ADGRG1: variants seen among roughly 807,000 people sequenced by gnomAD.
The protein encoded by ADGRG1 is 7-transmembrane protein with no EGF-like N-terminal domains-1.
Under a neutral mutation model 73.5 loss-of-function variants are expected in ADGRG1, and 53 were observed. That is an observed-to-expected ratio of 0.72 (90% CI 0.58 to 0.91). ADGRG1 has a LOEUF of 0.91. ADGRG1 is among the 40% of genes least tolerant of loss of function. ADGRG1 has a pLI of 0.00. For missense variants in ADGRG1, 795 were observed against 871.8 expected, an observed-to-expected ratio of 0.91 and a Z score of 1.11; for synonymous variants, 394 against 374.4, an observed-to-expected ratio of 1.05 and a Z score of -0.60.
At chr16:57,638,033 G>A (rs1359295706) in intron 1 of ADGRG1, among the ~76,000 whole-genome samples, 3 of 152,198 alleles carry the variant, frequency 2.0e-5, no homozygotes, top group South Asian at 2.1e-4. Flanking sequence ...TGTCTGGGGC[G>A]TACCACAGTT....
chr16:57,644,263 C>A (rs961678455), intron 1 of ADGRG1: 7 of 847,458 alleles, frequency 8.3e-6, no homozygotes, highest in Non-Finnish European at 8.5e-6. Flanking sequence ...CACAGTCATG[C>A]ACGGGCACAC....
intron 11 of ADGRG1, 71 bp downstream of exon 11, chr16:57,659,752 G>A: frequency 6.5e-7 from 1 of 1,528,890 alleles, no homozygotes; most frequent in Non-Finnish European, 9.0e-7. Flanking sequence ...CAGGCACCTG[G>A]TTCTGCCTCT....
intron 3 of ADGRG1, 90 bp downstream of exon 3, chr16:57,651,712 A>G: frequency 6.6e-7 from 1 of 1,514,672 alleles, no homozygotes; most frequent in Non-Finnish European, 8.9e-7. Flanking sequence ...TCACAATATC[A>G]GATCATGAAG....
upstream of ADGRG1, among the ~76,000 whole-genome samples, chr16:57,625,237 C>T (rs1408371501): frequency 1.3e-5 from 2 of 152,218 alleles, no homozygotes; most frequent in East Asian, 3.9e-4. Flanking sequence ...GCCCCAACGA[C>T]GTGTTTCCAG....
intron 3 of ADGRG1, chr16:57,652,902 G>A: frequency 1.6e-6 from 2 of 1,252,232 alleles, no homozygotes; most frequent in Non-Finnish European, 2.0e-6. Flanking sequence ...GCCTGGCTGG[G>A]CCCTCTCTGC....
chr16:57,628,947 A>AGTGTGT, intron 1 of ADGRG1, 145 bp downstream of exon 1: 1 of 644,266 alleles, frequency 1.6e-6, no homozygotes, highest in Non-Finnish European at 1.8e-6. Flanking sequence ...TGAGCGTGAG[A>AGTGTGT]GTGTGAGAGT....
chr16:57,638,926 C>T (rs1032502531), intron 1 of ADGRG1, among the ~76,000 whole-genome samples: 6 of 151,994 alleles, frequency 3.9e-5, no homozygotes, highest in Non-Finnish European at 7.4e-5. Context: ...AAAAATTAGC[C>T]GGGCATGGTG....
At chr16:57,647,084 G>A in intron 1 of ADGRG1, 1 of 984,318 alleles carries the variant, frequency 1.0e-6, no homozygotes, top group Non-Finnish European at 1.2e-6. Context: ...TGGGCAGGTG[G>A]CAGGTGTGTG....
chr16:57,655,396 C>T lies in ADGRG1; in HGVS notation c.769-3C>T. The T allele has an allele frequency of 6.2e-7, 1 of 1,612,954 alleles. No individual in the cohort carries two copies. The highest frequency in any genetic ancestry group is 8.5e-7 in the Non-Finnish European group (1 of 1,179,974). ...TGGCTGAGCCCTAAAGGGACCTCTG[C>T]AGGAGGAGCAGAGCGAGATCATGGA... On this transcript the variant is annotated splice_polypyrimidine_tract_variant and splice_region_variant and intron_variant, in intron 5 of 13. Transcript: ENST00000562631.
Position 57,659,520 on chromosome 16 carries a change from C to T in ADGRG1, c.1394C>T (p.Ser465Phe). The T allele has an allele frequency of 6.2e-7, 1 of 1,613,970 alleles. No homozygotes were observed. The highest frequency in any genetic ancestry group is 1.3e-5 in the African/African-American group (1 of 75,056). The change falls in exon 11 of 14, where the codon TCT (serine) becomes TTT (phenylalanine). Residue 465 changes from serine to phenylalanine, a missense_variant. Physicochemically the swap from Ser to Phe is radical, Grantham distance 155 (BLOSUM62 -2). Coordinates refer to ENST00000562631, the MANE Select transcript of ADGRG1 (RefSeq NM_201525.4). ...LLSEPVALTG[S>F]EAGCRASAIF... The stretch of plus-strand genomic sequence containing the variant: ...AGCGAGCCGGTGGCCCTGACAGGCT[C>T]TGAGGCTGGCTGCCGAGCCAGTGCC...
chr16:57,628,991 TGTGA>T lies in ADGRG1; in HGVS notation c.-36+193_-36+196del, dbSNP rs1170927232. Reference sequence around the variant, plus strand: ...GTGAGTGTGTGAGAGTGAGTGAGAATGTGAGTGTGAGTGTGAGAGTGTGACTGAG... The same window carrying T: ...GTGAGTGTGTGAGAGTGAGTGAGAATGTGTGAGTGTGAGAGTGTGACTGAG... On this transcript the variant is annotated intron_variant, in intron 1 of 13. Transcript: ENST00000562631. 31 of 444,152 alleles carry T rather than the reference TGTGA, an allele frequency of 7.0e-5. 2 individuals carry two copies. Among genetic ancestry groups the T allele is most frequent in the Non-Finnish European group, 8.6e-5 (31 of 359,770 alleles). 27.5% of individuals were successfully genotyped at this position (444,152 alleles called of 1,614,324 possible). A position where few individuals can be genotyped will look rare whatever the true frequency, so the allele number is the denominator to read the frequency against.
chr16:57,655,793 T>A (rs1303182679), intron 6 of ADGRG1, 83 bp from the exon 7 acceptor site: 29 of 1,613,210 alleles, frequency 1.8e-5, no homozygotes. Context: ...GAGGGTTATC[T>A]AGAGAGGGTA....
At chr16:57,652,447 C>G (rs915907508) in intron 3 of ADGRG1, among the ~76,000 whole-genome samples, 5 of 152,228 alleles carry the variant, frequency 3.3e-5, no homozygotes, top group Non-Finnish European at 7.4e-5. Flanking sequence ...GGCCCAGGCC[C>G]GTCAGTGGTG....
chr16:57,655,251 C>A, intron 5 of ADGRG1, 148 bp from the exon 6 acceptor site: 1 of 1,555,270 alleles, frequency 6.4e-7, no homozygotes, highest in Non-Finnish European at 8.7e-7. Flanking sequence ...ATGAGGAGGG[C>A]TGTCATGAGT....
At chr16:57,621,800 G>T (rs2146957647) in intron 2 of ADGRG1, 7 of 936,688 alleles carry the variant, frequency 7.5e-6, no homozygotes, top group Non-Finnish European at 8.9e-6. Flanking sequence ...GCTGATGCAA[G>T]AGGCACAATT....
chr16:57,630,624 G>T (rs1208700668), intron 1 of ADGRG1: 1 of 645,230 alleles, frequency 1.5e-6, no homozygotes, highest in Non-Finnish European at 1.9e-6. Context: ...GGGCCAGTCA[G>T]CCTGGTGTGA....
chr16:57,637,288 C>G, intron 1 of ADGRG1: 2 of 984,558 alleles, frequency 2.0e-6, no homozygotes, highest in Non-Finnish European at 2.4e-6. Context: ...TAAGACAGTG[C>G]TTTGGCTTTT....
chr16:57,645,362 C>T (rs1567726061), intron 1 of ADGRG1: 1 of 975,168 alleles, frequency 1.0e-6, no homozygotes, highest in East Asian at 1.1e-4. Flanking sequence ...TCCTTGGCTC[C>T]CTTCCCACCC....
At chr16:57,632,832 GGCGGTGGGGAGATGGCCTT>G (rs1288695094) in intron 1 of ADGRG1, 1 of 985,270 alleles carries the variant, frequency 1.0e-6, no homozygotes, top group Non-Finnish European at 1.2e-6. Context: ...GAGATGGCCT[GGCGGTGGGGAGATGGCCTT>G]GCTGTCCAAG....
Sources: allele counts gnomAD v4.1 joint callset (sites outside exome capture counted in the v4.1 genomes callset), GRCh38; gene constraint gnomAD v4.1.1; transcripts MANE v1.5; gene names NCBI Gene and HGNC (gene_info 2026-07-23, HGNC 2026-07-21).